SGTB: variants seen among roughly 807,000 people sequenced by gnomAD.
SGTB encodes the protein small glutamine-rich tetratricopeptide repeat-containing protein beta.
Under a neutral mutation model 43.9 loss-of-function variants are expected in SGTB, and 19 were observed. The observed-to-expected ratio is 0.43, with a 90% CI of 0.30 to 0.63. The LOEUF (loss-of-function observed/expected upper bound fraction) is 0.63, where lower values mean the gene tolerates loss of function less well. Among genes scored for constraint, SGTB ranks in the 30% least tolerant of loss-of-function variants. The pLI, the probability that SGTB is intolerant of heterozygous loss-of-function variation, is 0.12. For missense variants in SGTB, 304 were observed against 358.9 expected, an observed-to-expected ratio of 0.85 and a Z score of 1.24; for synonymous variants, 116 against 117.3, an observed-to-expected ratio of 0.99 and a Z score of 0.07.
chr5:65,717,515 G>A (rs1257278485), intron 2 of SGTB, among the ~76,000 whole-genome samples: 1 of 151,516 alleles, frequency 6.6e-6, no homozygotes, highest in East Asian at 1.9e-4. Context: ...AACATGAATA[G>A]TCCATCTATG....
rs1387368997 is a variant in SGTB, at chr5:65,667,007, T to C, written c.*3239A>G. The C allele has an allele frequency of 1.3e-5, 2 of 152,198 alleles. No homozygotes were observed. The highest frequency in any genetic ancestry group is 2.9e-5 in the Non-Finnish European group (2 of 68,012). The allele number at this position is 152,198 out of a possible 1,614,324, so 9.4% of individuals were successfully genotyped here. A position where few individuals can be genotyped will look rare whatever the true frequency, so the allele number is the denominator to read the frequency against. ...TGATATTATTTCTCCCTTAAGTGTT[T>C]GGTAAAATTCATCACGGAAGTTATC... is the stretch of plus-strand genomic sequence containing the variant. On this transcript the variant is annotated 3_prime_UTR_variant, in exon 11 of 11. Coordinates refer to ENST00000381007, the MANE Select transcript of SGTB (RefSeq NM_019072.3).
rs766788373 is a variant in SGTB, at chr5:65,672,195, G to A, written c.719+49C>T. On this transcript the variant is annotated intron_variant, in intron 9 of 10. Coordinates refer to ENST00000381007, the MANE Select transcript of SGTB (RefSeq NM_019072.3). ...CTGATGTGCTCAAATTAGGAGCCTG[G>A]CAAGTGGAAGGGTTGGGGAAGTGTA... 5.0e-6 allele frequency: 8 copies of A among 1,609,478 alleles called. No individual in the cohort carries two copies. In the South Asian group the frequency reaches 7.7e-5, roughly 16 times the overall value.
chr5:65,675,681 G>T (rs1757252806), intron 8 of SGTB, among the ~76,000 whole-genome samples: 1 of 152,112 alleles, frequency 6.6e-6, no homozygotes, highest in African/African-American at 2.4e-5. Context: ...AAGAGATTGG[G>T]GGCCCATATT....
intron 4 of SGTB, 87 bp from the exon 5 acceptor site, chr5:65,704,465 A>G (rs1757891545): frequency 2.0e-6 from 2 of 995,688 alleles, no homozygotes; most frequent in East Asian, 3.0e-5. Context: ...CGTGGAAACT[A>G]TAATTATATG....
intron 5 of SGTB, 82 bp downstream of exon 5, chr5:65,704,196 AT>A: frequency 9.7e-7 from 1 of 1,034,380 alleles, no homozygotes; most frequent in Non-Finnish European, 1.3e-6. Context: ...AATTTTCTAA[AT>A]AATTAAGATT....
upstream of SGTB, chr5:65,722,143 G>A (rs568924807): frequency 7.5e-4 from 156 of 207,768 alleles, no homozygotes; most frequent in Middle Eastern, 3.7e-3. Context: ...GGCCGGACGC[G>A]AGGGCTGGGG....
At chr5:65,690,143 G>A (rs1757578727) in intron 5 of SGTB, among the ~76,000 whole-genome samples, 1 of 152,094 alleles carries the variant, frequency 6.6e-6, no homozygotes, top group Non-Finnish European at 1.5e-5. Flanking sequence ...CAAGAAAAAG[G>A]ATGCTTAAAA....
intron 5 of SGTB, among the ~76,000 whole-genome samples, chr5:65,695,919 T>C (rs1348631960): frequency 6.6e-6 from 1 of 152,166 alleles, no homozygotes; most frequent in African/African-American, 2.4e-5. Flanking sequence ...AAAGATACAG[T>C]AACTGCCCAA....
rs1054219091 is a variant in SGTB, at chr5:65,669,550, T to C, written c.*696A>G. ...ATACCAAACTGCAGACAAGATTAGTTAAGAACTATGCAGAAAACCTGAGCA... is the reference window on the plus strand; with the variant it reads ...ATACCAAACTGCAGACAAGATTAGTCAAGAACTATGCAGAAAACCTGAGCA... On this transcript the variant is annotated 3_prime_UTR_variant, in exon 11 of 11. Transcript: ENST00000381007. The C allele has an allele frequency of 6.6e-6, 1 of 152,204 alleles. No individual in the cohort carries two copies. The highest frequency in any genetic ancestry group is 1.5e-5 in the Non-Finnish European group (1 of 68,034). 9.4% of individuals were successfully genotyped at this position (152,204 alleles called of 1,614,324 possible).
chr5:65,706,724 C>T (rs1375369309), intron 4 of SGTB, among the ~76,000 whole-genome samples: 5 of 151,640 alleles, frequency 3.3e-5, no homozygotes, highest in South Asian at 2.1e-4. Flanking sequence ...CCCAGCTACT[C>T]GGGAGGCTGA....
At position 65,665,963 on chromosome 5, in the gene SGTB, CAA is replaced by C. The variant is rs1192121635; in HGVS notation, c.*4281_*4282del. 3 of 152,506 alleles carry C rather than the reference CAA, an allele frequency of 2.0e-5. No homozygotes were observed. Among genetic ancestry groups the C allele is most frequent in the Non-Finnish European group, 2.9e-5 (2 of 67,968 alleles). The allele number at this position is 152,506 out of a possible 1,614,324, so 9.4% of individuals were successfully genotyped here. ...AATGCATCATTATTTATTGCCATAA[CAA>C]ATTGTTTGGTCCAAAATGAAAGCTA... On this transcript the variant is annotated 3_prime_UTR_variant, in exon 11 of 11. Coordinates refer to ENST00000381007, the MANE Select transcript of SGTB (RefSeq NM_019072.3).
chr5:65,686,298 C>A (rs1757497366), intron 5 of SGTB, among the ~76,000 whole-genome samples: 1 of 152,138 alleles, frequency 6.6e-6, no homozygotes, highest in South Asian at 2.1e-4. Flanking sequence ...CACTGTAACT[C>A]CAAGACCTGG....
At chr5:65,691,918 G>A (rs1368823388) in intron 5 of SGTB, among the ~76,000 whole-genome samples, 3 of 145,790 alleles carry the variant, frequency 2.1e-5, no homozygotes, top group East Asian at 2.1e-4. Flanking sequence ...GTGACAGACC[G>A]AGACTTCGTC....
intron 4 of SGTB, among the ~76,000 whole-genome samples, chr5:65,705,032 T>C (rs1757903409): frequency 6.6e-6 from 1 of 152,220 alleles, no homozygotes; most frequent in Non-Finnish European, 1.5e-5. Flanking sequence ...TGCAGATACA[T>C]CTGGCAGTAA....
upstream of SGTB, chr5:65,722,204 T>C: frequency 5.8e-6 from 2 of 342,754 alleles, no homozygotes; most frequent in Non-Finnish European, 5.1e-6. Flanking sequence ...GCGGGGCTGG[T>C]AGGCGCCGGC....
chr5:65,712,983 A>T lies in SGTB; in HGVS notation c.182T>A (p.Met61Lys). 1 of 1,613,558 alleles carries T rather than the reference A, an allele frequency of 6.2e-7. No homozygotes were observed. The highest frequency in any genetic ancestry group is 8.5e-7 in the Non-Finnish European group (1 of 1,179,716). ...HLAVSQPLTE[M>K]FTSSFCKNDV... ...TACCTTACAGAAGGAACTGGTAAACATTTCTGTCAAAGGCTGTGAAACTGC... is the reference window on the plus strand; with the variant it reads ...TACCTTACAGAAGGAACTGGTAAACTTTTCTGTCAAAGGCTGTGAAACTGC... The change falls in exon 3 of 11, where the codon ATG becomes AAG. Residue 61 changes from methionine to lysine, a missense_variant. Transcript: ENST00000381007.
chr5:65,689,370 A>T (rs968314259), intron 5 of SGTB, among the ~76,000 whole-genome samples: 7 of 152,196 alleles, frequency 4.6e-5, no homozygotes, highest in Non-Finnish European at 1.0e-4. Context: ...GCTATATCAC[A>T]TCTACCAAAA....
intron 4 of SGTB, 69 bp downstream of exon 4, chr5:65,708,420 A>C: frequency 1.5e-6 from 2 of 1,333,090 alleles, no homozygotes; most frequent in Middle Eastern, 1.8e-4. Context: ...GAACTATATC[A>C]ATTGACAGTA....
intron 2 of SGTB, among the ~76,000 whole-genome samples, chr5:65,718,727 C>G (rs894499702): frequency 4.6e-5 from 7 of 152,126 alleles, no homozygotes; most frequent in African/African-American, 1.7e-4. Flanking sequence ...ATTAGACTCA[C>G]AGAGTCAAAA....
Sources: gnomAD v4.1 joint callset for allele counts (sites outside exome capture counted in the v4.1 genomes callset) on GRCh38, gnomAD v4.1.1 for gene constraint, MANE v1.5 for transcripts, NCBI Gene and HGNC (gene_info 2026-07-23, HGNC 2026-07-21) for gene names.